The following DPP10 variants were observed in gnomAD, a reference collection of about 807,000 sequenced individuals.
DPP10 encodes the protein dipeptidyl peptidase like 10.
DPP10 carries 33 observed loss-of-function variants against 120.9 expected under a neutral mutation model. The observed-to-expected ratio is 0.27, with a 90% CI of 0.21 to 0.37. The LOEUF (loss-of-function observed/expected upper bound fraction) is 0.37, where lower values mean the gene tolerates loss of function less well. Among genes scored for constraint, DPP10 ranks in the 10% least tolerant of loss-of-function variants. The probability of loss-of-function intolerance (pLI) is 1.00; values close to 1 mark genes in which losing one functional copy is unlikely to be tolerated. For synonymous variants in DPP10, 337 were observed against 326.1 expected, an observed-to-expected ratio of 1.03 and a Z score of -0.36; for missense variants, 816 against 942.8, an observed-to-expected ratio of 0.87 and a Z score of 1.76.
chr2:114,690,596 A>G (rs945487576), intron 1 of DPP10, among the ~76,000 whole-genome samples: 4 of 152,004 alleles, frequency 2.6e-5, no homozygotes, highest in Admixed American at 1.3e-4. Context: ...TGAATATACA[A>G]ATATTTTTTC....
At chr2:114,954,628 T>C (rs180757280) in intron 1 of DPP10, among the ~76,000 whole-genome samples, 2 of 151,804 alleles carry the variant, frequency 1.3e-5, no homozygotes, top group African/African-American at 4.8e-5. Flanking sequence ...ATAAATGAAA[T>C]GGAGACTAGA....
intron 3 of DPP10, among the ~76,000 whole-genome samples, chr2:115,430,178 AAATT>A (rs947428724): frequency 3.9e-5 from 6 of 152,288 alleles, no homozygotes; most frequent in Middle Eastern, 6.8e-3. Flanking sequence ...ATGATTGATG[AAATT>A]AATTGTCACA....
At chr2:115,687,376 T>A (rs2091049642) in intron 5 of DPP10, among the ~76,000 whole-genome samples, 1 of 151,984 alleles carries the variant, frequency 6.6e-6, no homozygotes, top group African/African-American at 2.4e-5. Flanking sequence ...CACACACACA[T>A]GCATAAAAAG....
At chr2:115,571,118 A>G (rs1575208211) in intron 5 of DPP10, among the ~76,000 whole-genome samples, 1 of 152,226 alleles carries the variant, frequency 6.6e-6, no homozygotes, top group Non-Finnish European at 1.5e-5. Flanking sequence ...ACTGGACTCG[A>G]TAAGGAAGCA....
intron 1 of DPP10, among the ~76,000 whole-genome samples, chr2:114,605,957 T>G (rs920198458): frequency 1.3e-5 from 2 of 152,132 alleles, no homozygotes; most frequent in African/African-American, 4.8e-5. Flanking sequence ...GTGGGTAACT[T>G]GCCTGTTTGG....
intron 1 of DPP10, among the ~76,000 whole-genome samples, chr2:114,565,481 A>G (rs1286979886): frequency 6.6e-6 from 1 of 152,136 alleles, no homozygotes; most frequent in Non-Finnish European, 1.5e-5. Context: ...CTTGAAATGG[A>G]TTTTAGTCAA....
chr2:115,175,636 C>G (rs952906956), intron 1 of DPP10, among the ~76,000 whole-genome samples: 3 of 152,142 alleles, frequency 2.0e-5, no homozygotes, highest in African/African-American at 7.2e-5. Context: ...CCTAAAATAT[C>G]TTTTACTTTC....
At chr2:114,797,483 T>G (rs921511402) in intron 1 of DPP10, among the ~76,000 whole-genome samples, 14 of 152,166 alleles carry the variant, frequency 9.2e-5, no homozygotes, top group Admixed American at 6.5e-4. Flanking sequence ...GTTGGAGCAT[T>G]AACAAGAATA....
intron 1 of DPP10, among the ~76,000 whole-genome samples, chr2:114,801,273 A>AAAAAAAAAAAAAG (rs1278761461): frequency 2.6e-5 from 2 of 77,810 alleles, no homozygotes; most frequent in African/African-American, 7.4e-5. Context: ...AAAAAAAAAA[A>AAAAAAAAAAAAAG]AAAAAAGAAA....
At chr2:115,125,098 C>T (rs934108721) in intron 1 of DPP10, among the ~76,000 whole-genome samples, 2 of 152,112 alleles carry the variant, frequency 1.3e-5, no homozygotes, top group Non-Finnish European at 2.9e-5. Context: ...TACTTTAACT[C>T]GGGCATTAGT....
At chr2:115,590,185 T>TTATTATTATTATTAC (rs2082554690) in intron 5 of DPP10, among the ~76,000 whole-genome samples, 1 of 130,700 alleles carries the variant, frequency 7.7e-6, no homozygotes, top group African/African-American at 2.6e-5. Context: ...ATTATTATTA[T>TTATTATTATTATTAC]ACTTTAAGTT....
chr2:114,787,113 A>G (rs2106219511), intron 1 of DPP10, among the ~76,000 whole-genome samples: 1 of 152,274 alleles, frequency 6.6e-6, no homozygotes, highest in South Asian at 2.1e-4. Flanking sequence ...TGTCATAGAA[A>G]ATGACTGGGG....
intron 5 of DPP10, among the ~76,000 whole-genome samples, chr2:115,617,271 T>TATATATATATATATATATATATA (rs60190277): frequency 2.3e-5 from 2 of 86,130 alleles, no homozygotes; most frequent in Admixed American, 2.2e-4. Context: ...ATATATATTT[T>TATATATATATATATATATATATA]TTATATATAT....
intron 2 of DPP10, among the ~76,000 whole-genome samples, chr2:115,316,660 CA>C (rs1559410902): frequency 6.6e-6 from 1 of 152,162 alleles, no homozygotes; most frequent in African/African-American, 2.4e-5. Context: ...TCCTAAACCA[CA>C]TTATATAAAA....
chr2:115,567,262 A>C (rs2081060099), intron 5 of DPP10, among the ~76,000 whole-genome samples: 1 of 152,174 alleles, frequency 6.6e-6, no homozygotes, highest in African/African-American at 2.4e-5. Flanking sequence ...AAAAATGTAT[A>C]ATAAAGGAAT....
chr2:114,644,289 C>A (rs1472744093), intron 1 of DPP10, among the ~76,000 whole-genome samples: 2 of 150,790 alleles, frequency 1.3e-5, no homozygotes, highest in Non-Finnish European at 2.9e-5. Context: ...ATTCTTTTTG[C>A]CCAACATACA....
chr2:114,589,225 G>A (rs1001572480), intron 1 of DPP10, among the ~76,000 whole-genome samples: 1 of 152,122 alleles, frequency 6.6e-6, no homozygotes, highest in Admixed American at 6.5e-5. Context: ...AGCCCCTCAA[G>A]TAGGTCAGTT....
intron 1 of DPP10, among the ~76,000 whole-genome samples, chr2:114,948,387 C>G (rs1697524210): frequency 6.6e-6 from 1 of 152,032 alleles, no homozygotes; most frequent in African/African-American, 2.4e-5. Flanking sequence ...TATTTTCCTG[C>G]ATCTTATTTT....
intron 1 of DPP10, among the ~76,000 whole-genome samples, chr2:115,021,198 A>G (rs1703049386): frequency 6.6e-6 from 1 of 152,102 alleles, no homozygotes; most frequent in African/African-American, 2.4e-5. Flanking sequence ...TGAAACAAAC[A>G]ACAACAACAA....
Sources: allele counts gnomAD v4.1 joint callset (sites outside exome capture counted in the v4.1 genomes callset), GRCh38; gene constraint gnomAD v4.1.1; transcripts MANE v1.5; gene names NCBI Gene and HGNC (gene_info 2026-07-23, HGNC 2026-07-21).